LMNB1: variants seen among roughly 807,000 people sequenced by gnomAD.
LMNB1 encodes the protein lamin-B1.
A neutral mutation model predicts 67.1 loss-of-function variants in LMNB1; 23 were observed. The ratio of observed to expected loss-of-function variants is 0.34; its 90% CI spans 0.25 to 0.49. LMNB1 has a LOEUF of 0.49. Ranked by LOEUF, LMNB1 falls within the 20% of genes least tolerant of loss-of-function variation. The pLI is 0.99. For missense variants in LMNB1, 634 were observed against 746.5 expected, an observed-to-expected ratio of 0.85 and a Z score of 1.76; for synonymous variants, 281 against 282.9, an observed-to-expected ratio of 0.99 and a Z score of 0.07.
chr5:126,834,197 GTTTC>G (rs899676586), intron 10 of LMNB1, among the ~76,000 whole-genome samples: 2 of 151,674 alleles, frequency 1.3e-5, no homozygotes, highest in African/African-American at 4.8e-5. Flanking sequence ...GAGGGTACAG[GTTTC>G]TTTCTTTTTT....
chr5:126,834,703 C>T (rs999743749), intron 10 of LMNB1, among the ~76,000 whole-genome samples: 1 of 152,088 alleles, frequency 6.6e-6, no homozygotes, highest in Non-Finnish European at 1.5e-5. Context: ...GGTGAAACCC[C>T]GTCTCTACTA....
intron 10 of LMNB1, among the ~76,000 whole-genome samples, chr5:126,834,936 G>A (rs574663357): frequency 2.6e-5 from 4 of 152,314 alleles, no homozygotes; most frequent in African/African-American, 9.6e-5. Context: ...TAGGGTTCAT[G>A]TGAGAGTTAA....
chr5:126,780,285 G>A (rs1188623601), intron 1 of LMNB1, among the ~76,000 whole-genome samples: 1 of 152,188 alleles, frequency 6.6e-6, no homozygotes. Flanking sequence ...ATGAATTACT[G>A]TTCTTTGTTG....
At position 126,805,705 on chromosome 5, in the gene LMNB1, A is replaced by G. The variant is rs752273609; in HGVS notation, c.642+9A>G. On this transcript the variant is annotated intron_variant, in intron 3 of 10. Transcript: ENST00000261366. ...AAAGCATGTATGAAGAGGTAACTAT[A>G]TATAATTTTGCTTTGTAAAGGAATG... The G allele has an allele frequency of 1.1e-5, 18 of 1,592,292 alleles. No homozygotes were observed. Among genetic ancestry groups the G allele is most frequent in the Non-Finnish European group, 1.4e-5 (16 of 1,169,150 alleles).
intron 1 of LMNB1, among the ~76,000 whole-genome samples, chr5:126,797,606 T>A (rs954321654): frequency 6.6e-6 from 1 of 152,248 alleles, no homozygotes; most frequent in Non-Finnish European, 1.5e-5. Context: ...TTTTAGGATA[T>A]CAGTTCTACA....
In LMNB1 at chr5:126,803,591, G is replaced by C. The variant is rs1379906056; in HGVS notation, c.360-1185G>C. On this transcript the variant is annotated intron_variant, in intron 1 of 10. Coordinates refer to ENST00000261366, the MANE Select transcript of LMNB1 (RefSeq NM_005573.4). ...ATACAAGGTCTCTCTCTGTCACCCA[G>C]GCTGGAGTGCAGTGGTGCGGTCTCG... 2.7e-5 allele frequency among the ~76,000 whole-genome samples: 4 copies of C among 150,172 alleles called. No homozygotes were observed. The East Asian group carries it at 8.0e-4, about 30-fold the overall frequency.
Position 126,777,415 on chromosome 5 carries a change from T to A in LMNB1, c.-94T>A. 1 of 1,237,810 alleles carries A rather than the reference T, an allele frequency of 8.1e-7. No individual in the cohort carries two copies. Among genetic ancestry groups the A allele is most frequent in the Non-Finnish European group, 1.0e-6 (1 of 989,270 alleles). 76.7% of individuals were successfully genotyped at this position (1,237,810 alleles called of 1,614,324 possible). A position where few individuals can be genotyped will look rare whatever the true frequency, so the allele number is the denominator to read the frequency against. On this transcript the variant is annotated 5_prime_UTR_variant, in exon 1 of 11. Transcript: ENST00000261366. ...TCTGGACGTGAGCGCAGGTCGCCGG[T>A]TTGTGCCTTCGGTCCCCGCTTCGCC...
intron 1 of LMNB1, among the ~76,000 whole-genome samples, chr5:126,800,644 C>CTTTTT (rs35363581): frequency 9.3e-5 from 5 of 53,942 alleles, no homozygotes; most frequent in African/African-American, 1.5e-4. Flanking sequence ...ACTGTATCTT[C>CTTTTT]TTTTTTTTTT....
At chr5:126,833,628 A>G (rs576739735) in intron 10 of LMNB1, among the ~76,000 whole-genome samples, 124 of 152,354 alleles carry the variant, frequency 8.1e-4, no homozygotes, top group Admixed American at 1.6e-3. Flanking sequence ...TAAAACACAT[A>G]TGTTACACTT....
chr5:126,831,123 C>T (rs1580559306), intron 9 of LMNB1, among the ~76,000 whole-genome samples: 2 of 152,330 alleles, frequency 1.3e-5, no homozygotes, highest in South Asian at 4.1e-4. Context: ...TATTTCAAAT[C>T]GAAGTCTCAT....
At chr5:126,779,375 T>C (rs528279130) in intron 1 of LMNB1, among the ~76,000 whole-genome samples, 19 of 152,376 alleles carry the variant, frequency 1.2e-4, no homozygotes, top group African/African-American at 4.6e-4. Flanking sequence ...TTCCCTTTCT[T>C]GGATTTACTA....
intron 5 of LMNB1, among the ~76,000 whole-genome samples, chr5:126,817,475 T>G (rs759762885): frequency 6.6e-6 from 1 of 152,218 alleles, no homozygotes; most frequent in Non-Finnish European, 1.5e-5. Flanking sequence ...CCCATGTGTA[T>G]GCACATATTT....
intron 1 of LMNB1, among the ~76,000 whole-genome samples, chr5:126,804,442 A>G (rs994627493): frequency 6.6e-6 from 1 of 152,022 alleles, no homozygotes; most frequent in Non-Finnish European, 1.5e-5. Context: ...TAAAAAATGA[A>G]TTTTCATTTC....
At chr5:126,835,022 A>C (rs921265902) in intron 10 of LMNB1, among the ~76,000 whole-genome samples, 1 of 152,244 alleles carries the variant, frequency 6.6e-6, no homozygotes, top group Non-Finnish European at 1.5e-5. Context: ...AATTTGGAAC[A>C]AAGGAGAAGT....
chr5:126,791,652 T>G (rs1750962011), intron 1 of LMNB1, among the ~76,000 whole-genome samples: 1 of 151,982 alleles, frequency 6.6e-6, no homozygotes, highest in African/African-American at 2.4e-5. Context: ...TTGATTTTTT[T>G]CATAGAGACA....
chr5:126,778,495 A>G (rs959175505), intron 1 of LMNB1, among the ~76,000 whole-genome samples: 11 of 152,094 alleles, frequency 7.2e-5, no homozygotes, highest in Non-Finnish European at 7.4e-5. Flanking sequence ...TTTAGGCGGG[A>G]GAGAGAGGCG....
At chr5:126,787,498 G>GTTATATATAACATATACT (rs1750825256) in intron 1 of LMNB1, among the ~76,000 whole-genome samples, 3 of 93,974 alleles carry the variant, frequency 3.2e-5, no homozygotes, top group Non-Finnish European at 4.6e-5. Flanking sequence ...TGAAGTATAT[G>GTTATATATAACATATACT]TTATATATAA....
intron 5 of LMNB1, among the ~76,000 whole-genome samples, chr5:126,817,995 A>AT (rs752949835): frequency 3.9e-5 from 6 of 152,092 alleles, no homozygotes; most frequent in Non-Finnish European, 8.8e-5. Context: ...GTGATTTTTA[A>AT]TTTTTTTATG....
chr5:126,823,033 G>T (rs1180427159), intron 8 of LMNB1, 148 bp downstream of exon 8: 1 of 620,730 alleles, frequency 1.6e-6, no homozygotes, highest in Non-Finnish European at 2.8e-6. Context: ...TGCTATAAAA[G>T]ATTTTTAAAA....
Sources: gnomAD v4.1 joint callset for allele counts (sites outside exome capture counted in the v4.1 genomes callset) on GRCh38, gnomAD v4.1.1 for gene constraint, MANE v1.5 for transcripts, NCBI Gene and HGNC (gene_info 2026-07-23, HGNC 2026-07-21) for gene names.